Variants in ZNF609 observed in about 807,000 individuals in gnomAD.
The protein encoded by ZNF609 is zinc finger protein 609.
Under a neutral mutation model 109.5 loss-of-function variants are expected in ZNF609, and 11 were observed. That is an observed-to-expected ratio of 0.10 (90% CI 0.06 to 0.17). The LOEUF (loss-of-function observed/expected upper bound fraction) is 0.17, where lower values mean the gene tolerates loss of function less well. Ranked by LOEUF, ZNF609 falls within the 10% of genes least tolerant of loss-of-function variation. The probability of loss-of-function intolerance (pLI) is 1.00; values close to 1 mark genes in which losing one functional copy is unlikely to be tolerated. For synonymous variants in ZNF609, 646 were observed against 662.0 expected (o/e 0.98, Z 0.37); for missense variants, 1,559 against 1,772.4 (o/e 0.88, Z 2.16).
rs190742047 is a variant in ZNF609, at chr15:64,616,272, G to A, written c.748-6555G>A. Among the ~76,000 whole-genome samples the A allele has an allele frequency of 8.7e-4, 132 of 152,170 alleles. 1 individual carries two copies. Among genetic ancestry groups the A allele is most frequent in the African/African-American group, 3.0e-3 (124 of 41,516 alleles). On this transcript the variant is annotated intron_variant, in intron 2 of 9. Coordinates refer to ENST00000326648, the MANE Select transcript of ZNF609 (RefSeq NM_015042.2). ...GCCTCCCAGAGTGCTGGGATTACAG[G>A]TATAAACCATCACATTTGGCCTTCA... is the stretch of plus-strand genomic sequence containing the variant.
intron 2 of ZNF609, among the ~76,000 whole-genome samples, chr15:64,532,611 G>A (rs1317935954): frequency 2.6e-5 from 4 of 152,160 alleles, no homozygotes; most frequent in South Asian, 4.1e-4. Flanking sequence ...GTCTGCTCAC[G>A]TTTTAAACAT....
chr15:64,483,971 T>TC (rs983456744), intron 1 of ZNF609, among the ~76,000 whole-genome samples: 4 of 151,974 alleles, frequency 2.6e-5, no homozygotes, highest in East Asian at 1.9e-4. Flanking sequence ...TGTTTTTTTT[T>TC]CCCCCATTGC....
At chr15:64,500,688 C>T (rs1893549346) in intron 2 of ZNF609, 1 of 471,570 alleles carries the variant, frequency 2.1e-6, no homozygotes, top group Non-Finnish European at 3.8e-6. Context: ...TTGCCGGCTA[C>T]CAAAGAGCGA....
intron 2 of ZNF609, among the ~76,000 whole-genome samples, chr15:64,516,227 C>A (rs1174995923): frequency 2.0e-5 from 3 of 152,172 alleles, no homozygotes; most frequent in African/African-American, 4.8e-5. Context: ...CAGAAAAGGG[C>A]CAGGCCAATC....
chr15:64,475,239 A>G (rs1893151089), intron 1 of ZNF609, among the ~76,000 whole-genome samples: 1 of 150,786 alleles, frequency 6.6e-6, no homozygotes, highest in Non-Finnish European at 1.5e-5. Flanking sequence ...TCCCAAATCT[A>G]ACCATTCCTT....
At chr15:64,525,597 T>G (rs752122031) in intron 2 of ZNF609, among the ~76,000 whole-genome samples, 13 of 152,210 alleles carry the variant, frequency 8.5e-5, no homozygotes, top group Non-Finnish European at 1.6e-4. Context: ...GCTTGTCAAT[T>G]TCTGCAAGAA....
chr15:64,566,113 G>C (rs985529152), intron 2 of ZNF609, among the ~76,000 whole-genome samples: 2 of 152,178 alleles, frequency 1.3e-5, no homozygotes, highest in Non-Finnish European at 2.9e-5. Context: ...ACCTCCCAAA[G>C]TGTTGGGATT....
At chr15:64,463,064 G>C (rs1892964919) in intron 1 of ZNF609, among the ~76,000 whole-genome samples, 1 of 152,054 alleles carries the variant, frequency 6.6e-6, no homozygotes, top group South Asian at 2.1e-4. Flanking sequence ...GAGTGGCCTG[G>C]GCAACATAGT....
intron 2 of ZNF609, among the ~76,000 whole-genome samples, chr15:64,543,867 A>G (rs1332615420): frequency 2.0e-5 from 3 of 152,226 alleles, no homozygotes; most frequent in Non-Finnish European, 4.4e-5. Context: ...ACACCATACA[A>G]TATGATCGAA....
At position 64,523,762 on chromosome 15, in the gene ZNF609, C is replaced by CA. The variant is rs565073455; in HGVS notation, c.747+23608dup. Among the ~76,000 whole-genome samples the CA allele has an allele frequency of 5.0e-3, 624 of 125,672 alleles. 1 individual carries two copies. Among genetic ancestry groups the CA allele is most frequent in the African/African-American group, 0.015 (502 of 33,732 alleles). 82.4% of individuals were successfully genotyped at this position (125,672 alleles called of 152,430 possible). A position where few individuals can be genotyped will look rare whatever the true frequency, so the allele number is the denominator to read the frequency against. ...TGGGCAACAGAGCAAGACTCCATCTCAAAAAAAAAAAAGAAAAGAAAATCT... is the reference window on the plus strand; with the variant it reads ...TGGGCAACAGAGCAAGACTCCATCTCAAAAAAAAAAAAAGAAAAGAAAATCT... On this transcript the variant is annotated intron_variant, in intron 2 of 9. Transcript: ENST00000326648.
intron 1 of ZNF609, among the ~76,000 whole-genome samples, chr15:64,475,392 C>CTTTTTTTTTT (rs35289626): frequency 9.1e-6 from 1 of 109,588 alleles, no homozygotes. Context: ...CACATGTTGT[C>CTTTTTTTTTT]TTTTTTTTTT....
At chr15:64,495,565 G>C (rs769244454) in intron 1 of ZNF609, among the ~76,000 whole-genome samples, 9 of 151,412 alleles carry the variant, frequency 5.9e-5, no homozygotes, top group Admixed American at 5.9e-4. Flanking sequence ...GTTAATTTTC[G>C]TATTTTTGTA....
rs967827167 is a variant in ZNF609, at chr15:64,684,093, C to T, written c.*2407C>T. ...AAGCCACCATGGCAGATCCTGATGC[C>T]TGCCGGGCCTAGTCTTCCCTCTGAA... On this transcript the variant is annotated 3_prime_UTR_variant, in exon 10 of 10. Coordinates refer to ENST00000326648, the MANE Select transcript of ZNF609 (RefSeq NM_015042.2). 1.3e-5 allele frequency: 2 copies of T among 152,214 alleles called. No homozygotes were observed. The highest frequency in any genetic ancestry group is 4.8e-5 in the African/African-American group (2 of 41,440). The allele number at this position is 152,214 out of a possible 1,614,324, so 9.4% of individuals were successfully genotyped here.
chr15:64,594,853 C>T (rs1000941739), intron 2 of ZNF609, among the ~76,000 whole-genome samples: 1 of 149,384 alleles, frequency 6.7e-6, no homozygotes, highest in Admixed American at 6.7e-5. Context: ...GGTGAAACCT[C>T]GTCTCTACTA....
At chr15:64,474,254 C>T (rs1410610331) in intron 1 of ZNF609, among the ~76,000 whole-genome samples, 1 of 148,816 alleles carries the variant, frequency 6.7e-6, no homozygotes, top group Non-Finnish European at 1.5e-5. Context: ...GCTCTTGTTG[C>T]CCAGGCTGGA....
intron 1 of ZNF609, among the ~76,000 whole-genome samples, chr15:64,467,912 C>A (rs1680392234): frequency 6.6e-6 from 1 of 152,066 alleles, no homozygotes; most frequent in Non-Finnish European, 1.5e-5. Flanking sequence ...TTCTTCTGTT[C>A]TAACACTTCT....
chr15:64,582,330 A>G (rs935006506), intron 2 of ZNF609, among the ~76,000 whole-genome samples: 2 of 152,156 alleles, frequency 1.3e-5, no homozygotes, highest in Non-Finnish European at 2.9e-5. Flanking sequence ...GATCTAGTCA[A>G]TTAGAGCTAC....
intron 1 of ZNF609, among the ~76,000 whole-genome samples, chr15:64,495,356 A>G (rs1315528583): frequency 6.6e-6 from 1 of 152,140 alleles, no homozygotes; most frequent in Non-Finnish European, 1.5e-5. Context: ...TTTATGCTAC[A>G]TTGAACTGAT....
chr15:64,556,689 G>A (rs1220197674), intron 2 of ZNF609, among the ~76,000 whole-genome samples: 2 of 152,042 alleles, frequency 1.3e-5, no homozygotes, highest in Non-Finnish European at 1.5e-5. Context: ...TAGTCTGTTT[G>A]TAATCTGTTA....
Sources: gnomAD v4.1 joint callset for allele counts (sites outside exome capture counted in the v4.1 genomes callset) on GRCh38, gnomAD v4.1.1 for gene constraint, MANE v1.5 for transcripts, NCBI Gene and HGNC (gene_info 2026-07-23, HGNC 2026-07-21) for gene names.